The following RASSF3 variants were observed in gnomAD, a reference collection of about 807,000 sequenced individuals.
RASSF3 encodes Ras association domain family member 3, also known as ras association domain-containing protein 3.
RASSF3 carries 19 observed loss-of-function variants against 19.9 expected under a neutral mutation model. The ratio of observed to expected loss-of-function variants is 0.96; its 90% CI spans 0.67 to 1.40. RASSF3 has a LOEUF of 1.40. RASSF3 is among the 40% of genes most tolerant of loss of function. The pLI is 0.00. For synonymous variants in RASSF3, 110 were observed against 104.2 expected (o/e 1.06, Z -0.34); for missense variants, 306 against 289.8 (o/e 1.06, Z -0.41).
chr12:64,589,961 C>T (rs142055664), intron 2 of RASSF3, among the ~76,000 whole-genome samples: 1,584 of 146,930 alleles, frequency 0.011, 27 homozygotes, highest in African/African-American at 0.038. Context: ...AAGATCATGC[C>T]CCTGTACTCC....
chr12:64,631,636 A>G (rs141173786), intron 1 of RASSF3, among the ~76,000 whole-genome samples: 10,511 of 152,046 alleles, frequency 0.069, 1,201 homozygotes, highest in African/African-American at 0.24. Context: ...CAGTGGTGCA[A>G]TCTCTGCTCA....
chr12:64,562,238 G>A lies in RASSF3; in HGVS notation c.294+20533G>A, dbSNP rs946224589. On this transcript the variant is annotated intron_variant, in intron 2 of 5. Transcript: ENST00000637125. ...GTATTTTTGGTAGAGACAGAGTTTC[G>A]CCATGTTGGCCAGCCTGGTCTCAAG... 7.2e-5 allele frequency among the ~76,000 whole-genome samples: 11 copies of A among 151,836 alleles called. No individual in the cohort carries two copies. In the South Asian group the frequency reaches 2.3e-3, roughly 32 times the overall value.
intron 2 of RASSF3, among the ~76,000 whole-genome samples, chr12:64,572,925 G>C (rs1299922042): frequency 1.3e-5 from 2 of 152,182 alleles, no homozygotes; most frequent in Non-Finnish European, 2.9e-5. Context: ...TCAAGGGACA[G>C]TGTTTCCTTC....
At chr12:64,644,568 A>G (rs1871663508) in intron 1 of RASSF3, among the ~76,000 whole-genome samples, 1 of 152,000 alleles carries the variant, frequency 6.6e-6, no homozygotes, top group African/African-American at 2.4e-5. Flanking sequence ...GTGGTTGCAC[A>G]TGCCTGTAGT....
intron 1 of RASSF3, among the ~76,000 whole-genome samples, chr12:64,668,098 ACC>A (rs1459946615): frequency 1.3e-5 from 2 of 152,016 alleles, no homozygotes; most frequent in African/African-American, 4.8e-5. Flanking sequence ...CTGCATCTAT[ACC>A]ATGGGGTTAA....
upstream of RASSF3, among the ~76,000 whole-genome samples, chr12:64,609,791 T>A: frequency 6.6e-6 from 1 of 152,200 alleles, no homozygotes; most frequent in Non-Finnish European, 1.5e-5. Context: ...ACTATAGAAC[T>A]AGTTCACCTT....
chr12:64,680,356 G>A (rs1285134283), intron 1 of RASSF3, among the ~76,000 whole-genome samples: 2 of 152,004 alleles, frequency 1.3e-5, no homozygotes, highest in Non-Finnish European at 2.9e-5. Flanking sequence ...CATTTTGGAA[G>A]CAGCTTGTCC....
intron 1 of RASSF3, among the ~76,000 whole-genome samples, chr12:64,675,946 G>A (rs2136211402): frequency 6.6e-6 from 1 of 152,022 alleles, no homozygotes; most frequent in African/African-American, 2.4e-5. Flanking sequence ...ATCTGGCAGG[G>A]GGAAAAAAAT....
chr12:64,591,739 A>G (rs1043563753), intron 2 of RASSF3, among the ~76,000 whole-genome samples: 1 of 151,900 alleles, frequency 6.6e-6, no homozygotes. Flanking sequence ...GCTTTTTCCC[A>G]CTTTTGGTTA....
chr12:64,616,530 C>T, intron 1 of RASSF3, among the ~76,000 whole-genome samples: 1 of 152,200 alleles, frequency 6.6e-6, no homozygotes, highest in African/African-American at 2.4e-5. Context: ...TCAATAAAGG[C>T]CCCAGTTTGA....
chr12:64,526,540 TG>T (rs1288607074), intron 1 of RASSF3, among the ~76,000 whole-genome samples: 5 of 130,510 alleles, frequency 3.8e-5, no homozygotes, highest in South Asian at 5.8e-4. Context: ...AAAAATGAGT[TG>T]TTTTTTTTTT....
At chr12:64,638,163 A>G (rs1871387309) in intron 1 of RASSF3, among the ~76,000 whole-genome samples, 1 of 152,228 alleles carries the variant, frequency 6.6e-6, no homozygotes, top group Admixed American at 6.5e-5. Context: ...AGAATGCAAG[A>G]TTATAATAGA....
Position 64,581,860 on chromosome 12 carries a change from T to C in RASSF3, c.294+40155T>C, listed in dbSNP as rs567794641. On this transcript the variant is annotated intron_variant, in intron 2 of 5. Transcript: ENST00000637125. ...AACCTTTCAAAAGAGATTGACCTTT[T>C]TTTTTTGTTTTTCTTTTTGTTTTTT... Among the ~76,000 whole-genome samples, 9 of 150,958 alleles carry C rather than the reference T, an allele frequency of 6.0e-5. No homozygotes were observed. The South Asian group carries it at 1.9e-3, about 31-fold the overall frequency.
intron 2 of RASSF3, among the ~76,000 whole-genome samples, chr12:64,554,277 C>T (rs1436944241): frequency 1.3e-5 from 2 of 152,118 alleles, no homozygotes; most frequent in Non-Finnish European, 2.9e-5. Flanking sequence ...AGAGCAAATT[C>T]AGTAGATTGA....
chr12:64,669,890 C>CA (rs35671310), intron 1 of RASSF3, among the ~76,000 whole-genome samples: 1,580 of 106,534 alleles, frequency 0.015, 15 homozygotes, highest in East Asian at 0.084. Flanking sequence ...TGTAAATTAC[C>CA]AAAAAAAAAA....
chr12:64,696,854 A>G lies in RASSF3; in HGVS notation c.*1942A>G, dbSNP rs977786172. ...GAGGTTTTAGTGACATTGTCATCCA[A>G]CACTTTACCTTTATTGTTCAGGGAA... is the stretch of plus-strand genomic sequence containing the variant. On this transcript the variant is annotated 3_prime_UTR_variant, in exon 5 of 5. Transcript: ENST00000542104. 4 of 152,082 alleles carry G rather than the reference A, an allele frequency of 2.6e-5. No individual in the cohort carries two copies. The highest frequency in any genetic ancestry group is 9.7e-5 in the African/African-American group (4 of 41,410). 9.4% of individuals were successfully genotyped at this position (152,082 alleles called of 1,614,324 possible). A position where few individuals can be genotyped will look rare whatever the true frequency, so the allele number is the denominator to read the frequency against.
Position 64,695,205 on chromosome 12 carries a change from G to GTTT in RASSF3, c.*302_*304dup, listed in dbSNP as rs796649151. On this transcript the variant is annotated 3_prime_UTR_variant, in exon 5 of 5. Transcript: ENST00000542104. ...GCTTGGAAGCATGAACTCTGGGGGT[G>GTTT]TTTTTTTTTTTGGTTATTTTAATTA... The GTTT allele has an allele frequency of 8.4e-6, 2 of 237,942 alleles. No homozygotes were observed. Among genetic ancestry groups the GTTT allele is most frequent in the Non-Finnish European group, 1.6e-5 (2 of 125,332 alleles). 14.7% of individuals were successfully genotyped at this position (237,942 alleles called of 1,614,324 possible).
At position 64,565,837 on chromosome 12, in the gene RASSF3, C is replaced by G. The variant is rs1592402560; in HGVS notation, c.294+24132C>G. On this transcript the variant is annotated intron_variant, in intron 2 of 5. Coordinates refer to the RASSF3 transcript ENST00000637125. ...GGCGGAGGTTGCACTGAAGCGAGAT[C>G]TCGCCACTGCCCTCCAGCCTGGGCA... is the stretch of plus-strand genomic sequence containing the variant. Among the ~76,000 whole-genome samples the G allele has an allele frequency of 2.0e-5, 3 of 150,686 alleles. 1 individual carries two copies. The South Asian group carries it at 6.3e-4, about 32-fold the overall frequency.
intron 2 of RASSF3, among the ~76,000 whole-genome samples, chr12:64,685,668 T>C (rs898538880): frequency 3.3e-5 from 5 of 152,242 alleles, no homozygotes; most frequent in Admixed American, 2.6e-4. Flanking sequence ...AGGTACTTAA[T>C]ACTCAGTTTC....
Sources: allele counts gnomAD v4.1 joint callset (sites outside exome capture counted in the v4.1 genomes callset), GRCh38; gene constraint gnomAD v4.1.1; transcripts MANE v1.5; gene names NCBI Gene and HGNC (gene_info 2026-07-23, HGNC 2026-07-21).